PPP2R2C: variants seen among roughly 807,000 people sequenced by gnomAD.
The protein encoded by PPP2R2C is protein phosphatase 2 regulatory subunit Bgamma, also known as protein phosphatase 2, regulatory subunit B, gamma.
A neutral mutation model predicts 45.3 loss-of-function variants in PPP2R2C; 10 were observed. The observed-to-expected ratio is 0.22, with a 90% CI of 0.14 to 0.37. PPP2R2C has a LOEUF of 0.37. Among genes scored for constraint, PPP2R2C ranks in the 10% least tolerant of loss-of-function variants. The probability of loss-of-function intolerance (pLI) is 1.00; values close to 1 mark genes in which losing one functional copy is unlikely to be tolerated. For missense variants in PPP2R2C, 308 were observed against 619.7 expected (o/e 0.50, Z 5.34); for synonymous variants, 257 against 245.4 (o/e 1.05, Z -0.44).
In PPP2R2C at chr4:6,516,925, G is replaced by A. The variant is rs116188871; in HGVS notation, c.49+18346C>T. Among the ~76,000 whole-genome samples the A allele has an allele frequency of 2.3e-3, 348 of 152,278 alleles. 2 individuals carry two copies. Among genetic ancestry groups the A allele is most frequent in the East Asian group, 9.1e-3 (47 of 5,168 alleles). ...ACTCAGCAGTCTTGGCGAGTGGCATGTAGGCAGGGCACTGCCTCACTGTCC... is the reference window on the plus strand; with the variant it reads ...ACTCAGCAGTCTTGGCGAGTGGCATATAGGCAGGGCACTGCCTCACTGTCC... On this transcript the variant is annotated intron_variant, in intron 2 of 9. Transcript: ENST00000506140.
chr4:6,479,750 T>TTA (rs1722286594), intron 2 of PPP2R2C, among the ~76,000 whole-genome samples: 1 of 152,224 alleles, frequency 6.6e-6, no homozygotes, highest in South Asian at 2.1e-4. Flanking sequence ...TTTTTGTATT[T>TTA]TATTTGTTTT....
At position 6,378,800 on chromosome 4, in the gene PPP2R2C, C is replaced by T. The variant is rs1427844150; in HGVS notation, c.169-228G>A. Among the ~76,000 whole-genome samples, 1 of 152,048 alleles carries T rather than the reference C, an allele frequency of 6.6e-6. No homozygotes were observed. The highest frequency in any genetic ancestry group is 1.5e-5 in the Non-Finnish European group (1 of 68,010). On this transcript the variant is annotated intron_variant, in intron 2 of 8. Transcript: ENST00000382599. This position sits in a 1 kb window ranked among gnomAD's most constrained non-coding sequence, Gnocchi z 5.2. The stretch of plus-strand genomic sequence containing the variant: ...TCCCATGAAACACTCACACCCGAGC[C>T]GGCTAACTTGCTAATGCGAATGTTC...
At chr4:6,382,657 TCTCTCTCTCTCTCTCTCTC>T (rs1715903234) in intron 1 of PPP2R2C, 1 of 203,842 alleles carries the variant, frequency 4.9e-6, no homozygotes, top group African/African-American at 3.5e-5. Context: ...TCTCTCTCTC[TCTCTCTCTCTCTCTCTCTC>T]ACACACACAC....
intron 1 of PPP2R2C, among the ~76,000 whole-genome samples, chr4:6,561,406 G>A (rs1384647222): frequency 6.6e-6 from 1 of 151,970 alleles, no homozygotes; most frequent in Non-Finnish European, 1.5e-5. Context: ...TTGAACACAG[G>A]GCCCTGCATT....
At chr4:6,553,134 T>C (rs1725237961) in intron 1 of PPP2R2C, among the ~76,000 whole-genome samples, 1 of 152,156 alleles carries the variant, frequency 6.6e-6, no homozygotes, top group South Asian at 2.1e-4. Context: ...TGAGACAGGA[T>C]CCACTGGCAC....
chr4:6,550,099 G>A (rs1725134514), intron 1 of PPP2R2C, among the ~76,000 whole-genome samples: 1 of 152,094 alleles, frequency 6.6e-6, no homozygotes, highest in African/African-American at 2.4e-5. Flanking sequence ...CACGGGCCTG[G>A]GCCCCAGTCT....
chr4:6,329,151 T>C lies in PPP2R2C; in HGVS notation c.1052+111A>G, dbSNP rs1173292023. 1.8e-5 allele frequency: 18 copies of C among 1,005,918 alleles called. No homozygotes were observed. Among genetic ancestry groups the C allele is most frequent in the East Asian group, 1.5e-4 (6 of 38,820 alleles). 62.3% of individuals were successfully genotyped at this position (1,005,918 alleles called of 1,614,324 possible). The stretch of plus-strand genomic sequence containing the variant: ...GGCTTCACCCAGACACCTGGACCCA[T>C]TGAGGCTGAGTAGCCCCATGCTGCG... On this transcript the variant is annotated intron_variant, in intron 8 of 8. Coordinates refer to ENST00000382599, the MANE Select transcript of PPP2R2C (RefSeq NM_020416.4). The surrounding 1 kb of genome is among the most constrained non-coding windows in gnomAD (Gnocchi z 5.8).
intron 1 of PPP2R2C, among the ~76,000 whole-genome samples, chr4:6,391,959 C>T (rs775976784): frequency 2.6e-5 from 4 of 152,202 alleles, no homozygotes; most frequent in African/African-American, 7.2e-5. Flanking sequence ...ACACACCCTC[C>T]GAGGCGCCAG....
intron 1 of PPP2R2C, among the ~76,000 whole-genome samples, chr4:6,413,180 C>T (rs1027973012): frequency 3.9e-5 from 6 of 152,128 alleles, no homozygotes; most frequent in African/African-American, 1.4e-4. Context: ...CGCTCTCACA[C>T]TCACATTCAC....
At chr4:6,382,941 T>G (rs1350576296) in intron 1 of PPP2R2C, 2 of 1,086,274 alleles carry the variant, frequency 1.8e-6, no homozygotes, top group Non-Finnish European at 2.2e-6. Flanking sequence ...CACAGAGTGT[T>G]CTAAAGGCAG....
At chr4:6,461,490 T>C (rs1721317376) in intron 1 of PPP2R2C, among the ~76,000 whole-genome samples, 3 of 152,238 alleles carry the variant, frequency 2.0e-5, no homozygotes, top group South Asian at 4.1e-4. Flanking sequence ...ACAAGTGCCA[T>C]GTCTGGGCCA....
At chr4:6,463,390 C>A (rs1333096006) in intron 1 of PPP2R2C, among the ~76,000 whole-genome samples, 2 of 152,238 alleles carry the variant, frequency 1.3e-5, no homozygotes, top group Non-Finnish European at 2.9e-5. Flanking sequence ...GGAGGCCAGG[C>A]CAGCCTGGAG....
intron 6 of PPP2R2C, among the ~76,000 whole-genome samples, chr4:6,339,740 G>C (rs1733300818): frequency 6.6e-6 from 1 of 152,338 alleles, no homozygotes; most frequent in Non-Finnish European, 1.5e-5. Flanking sequence ...GAGGTGGCCT[G>C]GAGGGGGAGG....
chr4:6,411,250 T>A (rs1392436484), intron 1 of PPP2R2C, among the ~76,000 whole-genome samples: 1 of 152,078 alleles, frequency 6.6e-6, no homozygotes, highest in African/African-American at 2.4e-5. Flanking sequence ...AGCCAGGAAG[T>A]GGTGGGGCCA....
intron 1 of PPP2R2C, among the ~76,000 whole-genome samples, chr4:6,560,246 C>T (rs188239076): frequency 1.8e-4 from 27 of 152,364 alleles, no homozygotes; most frequent in Admixed American, 7.2e-4. Flanking sequence ...GCCCAGCCCA[C>T]CCAGGCTCTT....
At chr4:6,449,480 G>A (rs968055182) in intron 1 of PPP2R2C, among the ~76,000 whole-genome samples, 2 of 152,212 alleles carry the variant, frequency 1.3e-5, no homozygotes, top group Admixed American at 1.3e-4. Context: ...ATGTGCTGGA[G>A]AGGAGTGAAA....
At chr4:6,443,473 C>A (rs1679700049) in intron 1 of PPP2R2C, among the ~76,000 whole-genome samples, 2 of 152,216 alleles carry the variant, frequency 1.3e-5, no homozygotes, top group Non-Finnish European at 2.9e-5. Context: ...GGCAGAGAAG[C>A]CAGACCACCC....
At chr4:6,476,399 G>A (rs891795858), upstream of PPP2R2C, among the ~76,000 whole-genome samples, 2 of 152,132 alleles carry the variant, frequency 1.3e-5, no homozygotes, top group African/African-American at 4.8e-5. Context: ...CCAAGGGTGG[G>A]GCCCTCATAA....
chr4:6,443,521 G>A (rs1720262968), intron 1 of PPP2R2C, among the ~76,000 whole-genome samples: 1 of 152,172 alleles, frequency 6.6e-6, no homozygotes, highest in African/African-American at 2.4e-5. Flanking sequence ...CTTCTCAGAA[G>A]TCACTCTGCC....
Sources: allele counts gnomAD v4.1 joint callset (sites outside exome capture counted in the v4.1 genomes callset), GRCh38; gene constraint gnomAD v4.1.1; non-coding constraint Gnocchi (gnomAD v3.1); transcripts MANE v1.5; gene names NCBI Gene and HGNC (gene_info 2026-07-23, HGNC 2026-07-21).